Variants in HCN1 observed in about 807,000 individuals in gnomAD.
HCN1 encodes hyperpolarization activated cyclic nucleotide gated potassium channel 1.
Under a neutral mutation model 78.9 loss-of-function variants are expected in HCN1, and 13 were observed. That is an observed-to-expected ratio of 0.16 (90% CI 0.11 to 0.26). The LOEUF is 0.26. HCN1 is among the 10% of genes least tolerant of loss of function. The probability of loss-of-function intolerance (pLI) is 1.00; values close to 1 mark genes in which losing one functional copy is unlikely to be tolerated. For missense variants in HCN1, 810 were observed against 1,154.3 expected (o/e 0.70, Z 4.32); for synonymous variants, 552 against 455.5 (o/e 1.21, Z -2.70).
rs192135381 is a variant in HCN1, at chr5:45,421,429, A to G, written c.1012-24719T>C. On this transcript the variant is annotated intron_variant, in intron 3 of 7. Transcript: ENST00000303230. ...CAGATGCCATGGGATATCATACTGC[A>G]TTGAAAATGAGTCAACTACAGCAAT... 1.3e-3 allele frequency among the ~76,000 whole-genome samples: 201 copies of G among 152,306 alleles called. 1 individual carries two copies. The highest frequency in any genetic ancestry group is 1.7e-3 in the Non-Finnish European group (117 of 68,028).
intron 3 of HCN1, among the ~76,000 whole-genome samples, chr5:45,448,852 G>A (rs756051956): frequency 3.3e-5 from 5 of 152,164 alleles, no homozygotes; most frequent in East Asian, 1.9e-4. Flanking sequence ...GGTGGCTCAC[G>A]CCTGTAATCC....
intron 3 of HCN1, among the ~76,000 whole-genome samples, chr5:45,416,867 C>T (rs1163415861): frequency 6.6e-6 from 1 of 151,892 alleles, no homozygotes; most frequent in Non-Finnish European, 1.5e-5. Flanking sequence ...CCCCTCTCCC[C>T]CAACACCTTA....
At chr5:45,426,657 T>A (rs1401788461) in intron 3 of HCN1, among the ~76,000 whole-genome samples, 1 of 152,176 alleles carries the variant, frequency 6.6e-6, no homozygotes, top group East Asian at 1.9e-4. Context: ...CCTCTTTCCT[T>A]TATAAATTAC....
intron 6 of HCN1, among the ~76,000 whole-genome samples, chr5:45,294,448 A>G (rs1272438230): frequency 6.6e-6 from 1 of 151,974 alleles, no homozygotes; most frequent in Non-Finnish European, 1.5e-5. Flanking sequence ...TTATCATTCC[A>G]TAAAAAGAAC....
intron 2 of HCN1, among the ~76,000 whole-genome samples, chr5:45,490,432 G>A (rs1468277030): frequency 6.6e-6 from 1 of 152,076 alleles, no homozygotes; most frequent in African/African-American, 2.4e-5. Context: ...ATTTTCTCCA[G>A]TTATTTCAAA....
chr5:45,383,455 G>C (rs2112027631), intron 4 of HCN1, among the ~76,000 whole-genome samples: 1 of 152,240 alleles, frequency 6.6e-6, no homozygotes, highest in East Asian at 1.9e-4. Flanking sequence ...CAGAATTTTG[G>C]GAGGCCGAGG....
chr5:45,317,848 A>G (rs1211158902), intron 5 of HCN1, among the ~76,000 whole-genome samples: 1 of 152,210 alleles, frequency 6.6e-6, no homozygotes, highest in Non-Finnish European at 1.5e-5. Flanking sequence ...AGAAATGCAA[A>G]TCAAAACCAC....
At chr5:45,516,373 T>C (rs923777868) in intron 2 of HCN1, among the ~76,000 whole-genome samples, 1 of 151,956 alleles carries the variant, frequency 6.6e-6, no homozygotes, top group Non-Finnish European at 1.5e-5. Context: ...ACAGTTTATA[T>C]AAAGTGATGT....
At chr5:45,672,746 C>T (rs1416660451) in intron 1 of HCN1, among the ~76,000 whole-genome samples, 1 of 151,158 alleles carries the variant, frequency 6.6e-6, no homozygotes, top group Non-Finnish European at 1.5e-5. Flanking sequence ...GTAGCTTTAC[C>T]TATGTTCTCT....
At chr5:45,601,856 T>C (rs1166640722) in intron 2 of HCN1, among the ~76,000 whole-genome samples, 1 of 152,104 alleles carries the variant, frequency 6.6e-6, no homozygotes, top group Non-Finnish European at 1.5e-5. Flanking sequence ...AGTCCTAATC[T>C]CCTAATATGG....
chr5:45,657,018 G>C (rs910929888), intron 1 of HCN1, among the ~76,000 whole-genome samples: 1 of 152,086 alleles, frequency 6.6e-6, no homozygotes, highest in African/African-American at 2.4e-5. Flanking sequence ...CGTATTATCT[G>C]ATGGAGCAGA....
chr5:45,287,306 C>T (rs773781775), intron 6 of HCN1, among the ~76,000 whole-genome samples: 17 of 151,826 alleles, frequency 1.1e-4, no homozygotes, highest in Admixed American at 5.9e-4. Flanking sequence ...GCTCCTCATT[C>T]GTATAAGAGG....
intron 1 of HCN1, among the ~76,000 whole-genome samples, chr5:45,658,022 T>A (rs1215297285): frequency 6.6e-6 from 1 of 152,204 alleles, no homozygotes; most frequent in Non-Finnish European, 1.5e-5. Flanking sequence ...CAAAACAGCA[T>A]GGTACTGGTA....
At chr5:45,567,493 TA>T (rs1292974005) in intron 2 of HCN1, among the ~76,000 whole-genome samples, 2 of 151,306 alleles carry the variant, frequency 1.3e-5, no homozygotes, top group African/African-American at 4.9e-5. Flanking sequence ...CATGCAGAAC[TA>T]AATCTTAAAG....
chr5:45,461,772 T>C (rs1396555424), intron 3 of HCN1, 74 bp downstream of exon 3: 5 of 1,266,824 alleles, frequency 3.9e-6, no homozygotes, highest in Non-Finnish European at 5.7e-6. Context: ...AATCAGATCA[T>C]TGTAACATAA....
chr5:45,539,944 AT>A (rs1743062426), intron 2 of HCN1, among the ~76,000 whole-genome samples: 5 of 144,600 alleles, frequency 3.5e-5, no homozygotes, highest in African/African-American at 5.1e-5. Flanking sequence ...ATATATATAT[AT>A]ATATATATAT....
At chr5:45,533,554 G>A (rs1173293117) in intron 2 of HCN1, among the ~76,000 whole-genome samples, 1 of 152,118 alleles carries the variant, frequency 6.6e-6, no homozygotes, top group Admixed American at 6.5e-5. Context: ...TCCAAGGTAG[G>A]TGATACCCCT....
intron 6 of HCN1, among the ~76,000 whole-genome samples, chr5:45,270,498 C>T (rs556701403): frequency 6.6e-6 from 1 of 152,266 alleles, no homozygotes; most frequent in East Asian, 1.9e-4. Flanking sequence ...CCAATGTTAT[C>T]TGGCACTTCA....
chr5:45,553,705 C>T (rs147983022), intron 2 of HCN1, among the ~76,000 whole-genome samples: 240 of 151,984 alleles, frequency 1.6e-3, no homozygotes, highest in African/African-American at 5.6e-3. Context: ...TGCCCATATA[C>T]CTTAAATCAT....
Sources: allele counts gnomAD v4.1 joint callset (sites outside exome capture counted in the v4.1 genomes callset), GRCh38; gene constraint gnomAD v4.1.1; transcripts MANE v1.5; gene names NCBI Gene and HGNC (gene_info 2026-07-23, HGNC 2026-07-21).